CKAP4: variants seen among roughly 807,000 people sequenced by gnomAD.
CKAP4 encodes cytoskeleton-associated protein 4.
A neutral mutation model predicts 24.4 loss-of-function variants in CKAP4; 20 were observed. The ratio of observed to expected loss-of-function variants is 0.82; its 90% confidence interval spans 0.58 to 1.19. The LOEUF (loss-of-function observed/expected upper bound fraction) is 1.19. Among genes scored for constraint, CKAP4 ranks in the 50% most tolerant of loss-of-function variants. The pLI is 0.00. For missense variants in CKAP4, 744 were observed against 765.3 expected (o/e 0.97, Z 0.33); for synonymous variants, 378 against 351.7 (o/e 1.07, Z -0.84).
rs1043334333 is a variant in CKAP4, at chr12:106,240,025, T to C, written c.808A>G (p.Lys270Glu). 1.2e-6 allele frequency: 2 copies of C among 1,614,036 alleles called. No individual in the cohort carries two copies. The highest frequency in any genetic ancestry group is 1.7e-6 in the Non-Finnish European group (2 of 1,180,040). ...KRSQKEINDM[K>E]AKVASLEESE... ...TCTTCCAGGGAGGCAACCTTTGCCTTCATGTCATTGATCTCCTTCTGGCTC... is the reference window on the plus strand; with the variant it reads ...TCTTCCAGGGAGGCAACCTTTGCCTCCATGTCATTGATCTCCTTCTGGCTC... Residue 270 changes from lysine (K) to glutamate (E), a missense_variant, in exon 2 of 2, where the codon AAG becomes GAG. By Grantham distance (56) the Lys-to-Glu change is moderately conservative. Coordinates refer to ENST00000378026, the MANE Select transcript of CKAP4 (RefSeq NM_006825.4).
chr12:106,241,356 G>A (rs374330749), intron 1 of CKAP4, among the ~76,000 whole-genome samples: 4 of 140,244 alleles, frequency 2.9e-5, no homozygotes, highest in East Asian at 2.0e-4. Flanking sequence ...TTTTTGAGAC[G>A]GAGTCTCGCT....
rs780086797 is a variant in CKAP4, at chr12:106,239,370, T to A, written c.1463A>T (p.Glu488Val). The A allele has an allele frequency of 1.2e-6, 2 of 1,603,030 alleles. No individual in the cohort carries two copies. Among genetic ancestry groups the A allele is most frequent in the Non-Finnish European group, 1.7e-6 (2 of 1,178,784 alleles). Residue 488 changes from glutamate (E) to valine (V), a missense_variant, in exon 2 of 2, where the codon GAG (glutamate) becomes GTG (valine). Physicochemically the swap from Glu to Val is moderately radical, Grantham distance 121. Transcript: ENST00000378026. The surrounding 1 kb of genome is among the most constrained non-coding windows in gnomAD (Gnocchi z 4.9). ...TQLVLYGDVE[E>V]LKRSVGELPS... ...GAGCTCGCCCACACTCCTCTTCAGC[T>A]CCTCCACGTCACCGTAGAGCACCAG... is the stretch of plus-strand genomic sequence containing the variant.
In CKAP4 at chr12:106,237,992, G is replaced by GGTTTTT. The variant is rs2033921409; in HGVS notation, c.*1031_*1032insAAAAAC. 1.4e-5 allele frequency: 1 copy of GGTTTTT among 70,512 alleles called. No individual in the cohort carries two copies. The highest frequency in any genetic ancestry group is 6.2e-5 in the African/African-American group (1 of 16,246). 4.4% of individuals were successfully genotyped at this position (70,512 alleles called of 1,614,324 possible). A position where few individuals can be genotyped will look rare whatever the true frequency, so the allele number is the denominator to read the frequency against. ...TTTTTTTTTTTTTTTTACTTTTCGG[G>GGTTTTT]TTTTTTTTTTTTTTTTTTTTTCAAT... On this transcript the variant is annotated 3_prime_UTR_variant, in exon 2 of 2. Transcript: ENST00000378026.
Position 106,247,576 on chromosome 12 carries a change from G to GGCGGCGGCA in CKAP4, c.267_275dup (p.Ala92_Ala94dup), listed in dbSNP as rs771580502. The GGCGGCGGCA allele has an allele frequency of 3.4e-5, 49 of 1,423,024 alleles. No individual in the cohort carries two copies. In the East Asian group the frequency reaches 7.9e-4, roughly 23 times the overall value. The allele number at this position is 1,423,024 out of a possible 1,614,324, so 88.1% of individuals were successfully genotyped here. On this transcript the variant is annotated inframe_insertion, in exon 1 of 2. Transcript: ENST00000378026. This position sits in a 1 kb window ranked among gnomAD's most constrained non-coding sequence, Gnocchi z 4.5. Reference sequence around the variant, plus strand: ...AGCAGGACGCCGAGGACGAGGCGGCGGCGGCGGCAGCGGCGGCGGAGGCGG... The same window carrying GGCGGCGGCA: ...AGCAGGACGCCGAGGACGAGGCGGCGGCGGCGGCAGCGGCGGCAGCGGCGGCGGAGGCGG...
At chr12:106,243,765 T>G (rs1392823738) in intron 1 of CKAP4, among the ~76,000 whole-genome samples, 1 of 152,162 alleles carries the variant, frequency 6.6e-6, no homozygotes, top group Non-Finnish European at 1.5e-5. Context: ...AAGAGACAGG[T>G]GGGCACCCAA....
At chr12:106,244,422 G>A (rs1439952296) in intron 1 of CKAP4, among the ~76,000 whole-genome samples, 1 of 152,192 alleles carries the variant, frequency 6.6e-6, no homozygotes, top group African/African-American at 2.4e-5. Context: ...ATAGTGCCTG[G>A]CACGTAATAA....
At chr12:106,245,111 T>A (rs1434504865) in intron 1 of CKAP4, among the ~76,000 whole-genome samples, 1 of 152,114 alleles carries the variant, frequency 6.6e-6, no homozygotes, top group African/African-American at 2.4e-5. Flanking sequence ...GGTAGCCACC[T>A]CCTCTCTCTC....
chr12:106,241,396 G>C (rs898646219), intron 1 of CKAP4, among the ~76,000 whole-genome samples: 3 of 149,964 alleles, frequency 2.0e-5, no homozygotes, highest in East Asian at 2.0e-4. Flanking sequence ...GCAGTGGCGG[G>C]ATCTCGGCTC....
chr12:106,247,061 C>T lies in CKAP4; in HGVS notation c.483+308G>A, dbSNP rs2034017929. The T allele has an allele frequency of 6.3e-6, 2 of 315,494 alleles. No individual in the cohort carries two copies. The highest frequency in any genetic ancestry group is 1.2e-4 in the South Asian group (2 of 16,802). 19.5% of individuals were successfully genotyped at this position (315,494 alleles called of 1,614,324 possible). A position where few individuals can be genotyped will look rare whatever the true frequency, so the allele number is the denominator to read the frequency against. On this transcript the variant is annotated intron_variant, in intron 1 of 1. Coordinates refer to ENST00000378026, the MANE Select transcript of CKAP4 (RefSeq NM_006825.4). The surrounding 1 kb of genome is among the most constrained non-coding windows in gnomAD (Gnocchi z 4.5). ...AGCCTGCCGGCTTCCTTACAGGTCA[C>T]CGCTAATGCCCTGTGACAGGCCCTT...
At chr12:106,243,908 T>C (rs989521671) in intron 1 of CKAP4, among the ~76,000 whole-genome samples, 1 of 152,220 alleles carries the variant, frequency 6.6e-6, no homozygotes, top group Non-Finnish European at 1.5e-5. Flanking sequence ...ACAGAAATCA[T>C]GGCTATAAAG....
chr12:106,247,312 G>A lies in CKAP4; in HGVS notation c.483+57C>T. On this transcript the variant is annotated intron_variant, in intron 1 of 1. Transcript: ENST00000378026. The surrounding 1 kb of genome is among the most constrained non-coding windows in gnomAD (Gnocchi z 4.5). The stretch of plus-strand genomic sequence containing the variant: ...CGGTCGGGAAGCACGAAGGAGCCCG[G>A]CCGTGGGTCCGGAGGCCGCAGTCGA... 2.1e-6 allele frequency: 3 copies of A among 1,445,348 alleles called. No homozygotes were observed. The highest frequency in any genetic ancestry group is 2.5e-5 in the South Asian group (2 of 79,202). The allele number at this position is 1,445,348 out of a possible 1,614,324, so 89.5% of individuals were successfully genotyped here.
At chr12:106,244,259 A>T (rs191693462) in intron 1 of CKAP4, among the ~76,000 whole-genome samples, 1 of 152,302 alleles carries the variant, frequency 6.6e-6, no homozygotes, top group East Asian at 1.9e-4. Context: ...GTTAGACAAC[A>T]GTTTGGATCC....
Position 106,239,385 on chromosome 12 carries a change from T to A in CKAP4, c.1448A>T (p.Tyr483Phe), listed in dbSNP as rs137924597. The stretch of plus-strand genomic sequence containing the variant: ...CCTCTTCAGCTCCTCCACGTCACCG[T>A]AGAGCACCAGCTGGGTCTCGCCCAG... ...RSLGETQLVL[Y>F]GDVEELKRSV... is the part of the protein sequence containing the mutation. Residue 483 changes from tyrosine (Y) to phenylalanine (F), a missense_variant, in exon 2 of 2, where the codon TAC becomes TTC. Physicochemically the swap from Tyr to Phe is conservative, Grantham distance 22. This residue lies in a region of CKAP4 where 401 missense variants were observed against 424.5 expected (regional missense o/e 0.94). Transcript: ENST00000378026. This position sits in a 1 kb window ranked among gnomAD's most constrained non-coding sequence, Gnocchi z 4.9. 6.2e-7 allele frequency: 1 copy of A among 1,601,424 alleles called. No individual in the cohort carries two copies. The highest frequency in any genetic ancestry group is 8.5e-7 in the Non-Finnish European group (1 of 1,178,228).
Position 106,247,243 on chromosome 12 carries a change from C to G in CKAP4, c.483+126G>C. 1.3e-6 allele frequency: 1 copy of G among 790,232 alleles called. No homozygotes were observed. The allele number at this position is 790,232 out of a possible 1,614,324, so 49.0% of individuals were successfully genotyped here. A position where few individuals can be genotyped will look rare whatever the true frequency, so the allele number is the denominator to read the frequency against. On this transcript the variant is annotated intron_variant, in intron 1 of 1. Coordinates refer to ENST00000378026, the MANE Select transcript of CKAP4 (RefSeq NM_006825.4). The surrounding 1 kb of genome is among the most constrained non-coding windows in gnomAD (Gnocchi z 4.5). ...TAGGCCAGGGCCCGCCAAGGAGGAG[C>G]GGCCGGCTCCCGCCTCCGGGCCTGG... is the stretch of plus-strand genomic sequence containing the variant.
chr12:106,241,826 GAGA>G (rs750293836), intron 1 of CKAP4, among the ~76,000 whole-genome samples: 26 of 151,908 alleles, frequency 1.7e-4, no homozygotes, highest in Non-Finnish European at 3.4e-4. Flanking sequence ...ACAGCATCTG[GAGA>G]AGAAGGGAGA....
At chr12:106,240,966 G>T (rs1467827867) in intron 1 of CKAP4, among the ~76,000 whole-genome samples, 1 of 152,170 alleles carries the variant, frequency 6.6e-6, no homozygotes, top group Non-Finnish European at 1.5e-5. Context: ...ACATCTTTGA[G>T]CTGGGCCTGG....
At position 106,247,250 on chromosome 12, in the gene CKAP4, C is replaced by T; in HGVS notation, c.483+119G>A. The T allele has an allele frequency of 1.1e-6, 1 of 894,878 alleles. No individual in the cohort carries two copies. The highest frequency in any genetic ancestry group is 1.9e-5 in the South Asian group (1 of 52,974). 55.4% of individuals were successfully genotyped at this position (894,878 alleles called of 1,614,324 possible). ...GGGCCCGCCAAGGAGGAGCGGCCGG[C>T]TCCCGCCTCCGGGCCTGGGCAGGCA... is the stretch of plus-strand genomic sequence containing the variant. On this transcript the variant is annotated intron_variant, in intron 1 of 1. Transcript: ENST00000378026. This position sits in a 1 kb window ranked among gnomAD's most constrained non-coding sequence, Gnocchi z 4.5.
rs377586468 is a variant in CKAP4, at chr12:106,239,190, G to A, written c.1643C>T (p.Ala548Val). 12 of 1,613,976 alleles carry A rather than the reference G, an allele frequency of 7.4e-6. No homozygotes were observed. Among genetic ancestry groups the A allele is most frequent in the African/African-American group, 2.7e-5 (2 of 74,910 alleles). Residue 548 changes from alanine (A) to valine (V), a missense_variant, in exon 2 of 2, where the codon GCG becomes GTG. Around this residue, in one of 3 missense-constraint regions of CKAP4, gnomAD observed 401 missense variants for 424.5 expected, o/e 0.94. Coordinates refer to ENST00000378026, the MANE Select transcript of CKAP4 (RefSeq NM_006825.4). The surrounding 1 kb of genome is among the most constrained non-coding windows in gnomAD (Gnocchi z 4.9). ...NLKASVSQVE[A>V]DLKMLRTAVD... Reference sequence around the variant, plus strand: ...AGCAGTCCTGAGCATTTTCAAGTCCGCCTCCACTTGGCTGACTGAGGCTTT... The same window carrying A: ...AGCAGTCCTGAGCATTTTCAAGTCCACCTCCACTTGGCTGACTGAGGCTTT...
Position 106,247,861 on chromosome 12 carries a change from G to C in CKAP4, c.-10C>G. ...GTTTGGCCGAGGGCATGGCGGGCGCGGCGGCGGCTCGGGCCGCGGGCTGGG... is the reference window on the plus strand; with the variant it reads ...GTTTGGCCGAGGGCATGGCGGGCGCCGCGGCGGCTCGGGCCGCGGGCTGGG... On this transcript the variant is annotated 5_prime_UTR_variant, in exon 1 of 2. Transcript: ENST00000378026. The surrounding 1 kb of genome is among the most constrained non-coding windows in gnomAD (Gnocchi z 4.5). 1 of 1,037,620 alleles carries C rather than the reference G, an allele frequency of 9.6e-7. No individual in the cohort carries two copies. The highest frequency in any genetic ancestry group is 1.2e-6 in the Non-Finnish European group (1 of 866,122). 64.3% of individuals were successfully genotyped at this position (1,037,620 alleles called of 1,614,324 possible).
Sources: gnomAD v4.1 joint callset for allele counts (sites outside exome capture counted in the v4.1 genomes callset) on GRCh38, gnomAD v4.1.1 for gene constraint, gnomAD v4.1.1 regional missense constraint, Gnocchi (gnomAD v3.1) non-coding constraint, MANE v1.5 for transcripts, NCBI Gene and HGNC (gene_info 2026-07-23, HGNC 2026-07-21) for gene names.